Variants in PHOX2B observed in about 807,000 individuals in gnomAD.
The protein encoded by PHOX2B is paired like homeobox 2B.
Under a neutral mutation model 15.5 loss-of-function variants are expected in PHOX2B, and 1 was observed. The ratio of observed to expected loss-of-function variants is 0.06; its 90% CI spans 0.02 to 0.31. The LOEUF (loss-of-function observed/expected upper bound fraction) is 0.31, where lower values mean the gene tolerates loss of function less well. Among genes scored for constraint, PHOX2B ranks in the 10% least tolerant of loss-of-function variants. The pLI is 1.00. For synonymous variants in PHOX2B, 206 were observed against 190.5 expected, an observed-to-expected ratio of 1.08 and a Z score of -0.67; for missense variants, 314 against 436.4, an observed-to-expected ratio of 0.72 and a Z score of 2.50.
chr4:41,746,254 C>A lies in PHOX2B; in HGVS notation c.498G>T (p.Ala166=), dbSNP rs769236699. 1 of 1,613,684 alleles carries A rather than the reference C, an allele frequency of 6.2e-7. No homozygotes were observed. Residue 166 remains alanine (A), a synonymous_variant, in exon 3 of 3, where the codon GCG becomes GCT. Coordinates refer to ENST00000226382, the MANE Select transcript of PHOX2B (RefSeq NM_003924.4). Reference sequence around the variant, plus strand: ...TTTTGCCCGAGGAGCCGTTCTTGGCCGCGGCCGCTGCGGCTGCCGCTGCGC... The same window carrying A: ...TTTTGCCCGAGGAGCCGTTCTTGGCAGCGGCCGCTGCGGCTGCCGCTGCGC... The part of the protein sequence containing the change: ...QERAAAAAAA[A]AKNGSSGKKS...
Position 41,745,552 on chromosome 4 carries a change from G to A in PHOX2B, c.*255C>T, listed in dbSNP as rs1261627512. 2.2e-6 allele frequency: 1 copy of A among 445,552 alleles called. No individual in the cohort carries two copies. The highest frequency in any genetic ancestry group is 4.0e-6 in the Non-Finnish European group (1 of 250,362). The allele number at this position is 445,552 out of a possible 1,614,324, so 27.6% of individuals were successfully genotyped here. On this transcript the variant is annotated 3_prime_UTR_variant, in exon 3 of 3. Transcript: ENST00000226382. The surrounding 1 kb of genome is among the most constrained non-coding windows in gnomAD (Gnocchi z 4.0). ...GCAGGCGGAGCCCTGGCCCCGCTGC[G>A]AGGCCCCAGGCAGGTGCGAAGCCAG...
At chr4:41,748,249 T>A (rs908884850) in intron 1 of PHOX2B, 121 bp downstream of exon 1, 3 of 1,124,574 alleles carry the variant, frequency 2.7e-6, no homozygotes, top group Non-Finnish European at 3.9e-6. Flanking sequence ...ATTCTTTCAT[T>A]TGTGTAAGCA....
In PHOX2B at chr4:41,745,990, TGCCGCCGCCGCCGCTGCCGCGGCCGCC is replaced by T. The variant is rs749694204; in HGVS notation, c.735_761del (p.Ala252_Ala260del). ...GGCCTCCAGCTGCCGCCGCTGCCGC[TGCCGCCGCCGCCGCTGCCGCGGCCGCC>T]GCCGCTGCTGCTGCGCCGCCCTTGC... is the stretch of plus-strand genomic sequence containing the variant. On this transcript the variant is annotated inframe_deletion, in exon 3 of 3. Coordinates refer to ENST00000226382, the MANE Select transcript of PHOX2B (RefSeq NM_003924.4). The surrounding 1 kb of genome is among the most constrained non-coding windows in gnomAD (Gnocchi z 4.0). 2.8e-5 allele frequency: 35 copies of T among 1,235,888 alleles called. No homozygotes were observed. The highest frequency in any genetic ancestry group is 6.1e-4 in the Middle Eastern group (2 of 3,272). 76.6% of individuals were successfully genotyped at this position (1,235,888 alleles called of 1,614,324 possible). A position where few individuals can be genotyped will look rare whatever the true frequency, so the allele number is the denominator to read the frequency against.
Position 41,748,311 on chromosome 4 carries a change from G to C in PHOX2B, c.241+59C>G, listed in dbSNP as rs1577561061. The C allele has an allele frequency of 1.9e-6, 3 of 1,591,784 alleles. No individual in the cohort carries two copies. The African/African-American group carries it at 4.0e-5, about 21-fold the overall frequency. ...ATTTCCATTTTCAAATGCAATCAAG[G>C]CTTCCTATATACGGGCGGAAAGGCG... On this transcript the variant is annotated intron_variant, in intron 1 of 2. Transcript: ENST00000226382.
At chr4:41,746,811 C>A (rs906706589) in intron 2 of PHOX2B, among the ~76,000 whole-genome samples, 3 of 152,208 alleles carry the variant, frequency 2.0e-5, no homozygotes, top group African/African-American at 4.8e-5. Context: ...GGGGGCTCAC[C>A]CAGAGAGGCG....
In PHOX2B at chr4:41,748,356, C is replaced by T; in HGVS notation, c.241+14G>A. 1.2e-6 allele frequency: 2 copies of T among 1,613,978 alleles called. No homozygotes were observed. The highest frequency in any genetic ancestry group is 1.7e-6 in the Non-Finnish European group (2 of 1,179,984). On this transcript the variant is annotated intron_variant, in intron 1 of 2. Coordinates refer to ENST00000226382, the MANE Select transcript of PHOX2B (RefSeq NM_003924.4). ...AAGGCGGCTTCCTCCGCTGAGAAAGCTGAAGGTCCTTACCTGCGGCGTACG... is the reference window on the plus strand; with the variant it reads ...AAGGCGGCTTCCTCCGCTGAGAAAGTTGAAGGTCCTTACCTGCGGCGTACG...
rs775931264 is a variant in PHOX2B at position 41,746,244 on chromosome 4, C to T, written c.508G>A (p.Gly170Ser). 3 of 1,613,942 alleles carry T rather than the reference C, an allele frequency of 1.9e-6. No individual in the cohort carries two copies. Among genetic ancestry groups the T allele is most frequent in the Non-Finnish European group, 2.5e-6 (3 of 1,179,912 alleles). The change falls in exon 3 of 3, where the codon GGC (glycine) becomes AGC (serine). Residue 170 changes from glycine to serine, a missense_variant. This residue lies in a region of PHOX2B where 31 missense variants were observed against 29.6 expected (regional missense o/e 1.05). Transcript: ENST00000226382. ...AAAAAAAAKN[G>S]SSGKKSDSSR... is the part of the protein sequence containing the mutation. Reference sequence around the variant, plus strand: ...GAGTCAGACTTTTTGCCCGAGGAGCCGTTCTTGGCCGCGGCCGCTGCGGCT... The same window carrying T: ...GAGTCAGACTTTTTGCCCGAGGAGCTGTTCTTGGCCGCGGCCGCTGCGGCT...
rs763804374 is a variant in PHOX2B, at chr4:41,747,463, G to A, written c.315C>T (p.Phe105=). ...CCAGCTCTTTGAGCTGGGCACTGGT[G>A]AAAGTGGTGCGGATGCGCCGCTGCT... ...KRKQRRIRTT[F]TSAQLKELER... is the part of the protein sequence containing the mutation. Residue 105 remains phenylalanine (F), a synonymous_variant, in exon 2 of 3, where the codon TTC becomes TTT. Coordinates refer to ENST00000226382, the MANE Select transcript of PHOX2B (RefSeq NM_003924.4). The A allele has an allele frequency of 3.2e-5, 52 of 1,611,456 alleles. No homozygotes were observed. The highest frequency in any genetic ancestry group is 4.4e-5 in the Non-Finnish European group (52 of 1,179,914).
chr4:41,745,623 T>G lies in PHOX2B; in HGVS notation c.*184A>C. 2 of 659,812 alleles carry G rather than the reference T, an allele frequency of 3.0e-6. No homozygotes were observed. The highest frequency in any genetic ancestry group is 4.8e-6 in the Non-Finnish European group (2 of 415,610). The allele number at this position is 659,812 out of a possible 1,614,324, so 40.9% of individuals were successfully genotyped here. ...TGGGGGTTGAGGAAGGGGGTAGGAGTGGGGTTGAAATGAGGGCGACGCCGT... is the reference window on the plus strand; with the variant it reads ...TGGGGGTTGAGGAAGGGGGTAGGAGGGGGGTTGAAATGAGGGCGACGCCGT... On this transcript the variant is annotated 3_prime_UTR_variant, in exon 3 of 3. Coordinates refer to ENST00000226382, the MANE Select transcript of PHOX2B (RefSeq NM_003924.4). This position sits in a 1 kb window ranked among gnomAD's most constrained non-coding sequence, Gnocchi z 4.0.
In PHOX2B at chr4:41,745,103, G is replaced by A. The variant is rs1242171790; in HGVS notation, c.*704C>T. 3.0e-5 allele frequency: 7 copies of A among 231,896 alleles called. No homozygotes were observed. The highest frequency in any genetic ancestry group is 2.4e-4 in the East Asian group (4 of 16,488). The allele number at this position is 231,896 out of a possible 1,614,324, so 14.4% of individuals were successfully genotyped here. On this transcript the variant is annotated 3_prime_UTR_variant, in exon 3 of 3. Coordinates refer to ENST00000226382, the MANE Select transcript of PHOX2B (RefSeq NM_003924.4). The surrounding 1 kb of genome is among the most constrained non-coding windows in gnomAD (Gnocchi z 4.0). Reference sequence around the variant, plus strand: ...CGCAGTGACCCGAACCCAAGGACACGATAGGAAGGGGGGCTGGAACGGCGT... The same window carrying A: ...CGCAGTGACCCGAACCCAAGGACACAATAGGAAGGGGGGCTGGAACGGCGT...
At position 41,746,167 on chromosome 4, in the gene PHOX2B, A is replaced by T; in HGVS notation, c.585T>A (p.Thr195=). Residue 195 remains threonine (T), a synonymous_variant, in exon 3 of 3, where the codon ACT becomes ACA. Coordinates refer to ENST00000226382, the MANE Select transcript of PHOX2B (RefSeq NM_003924.4). ...GGTTGGGATTGGGACCTGGGCCCCC[A>T]GTGCTGTCCGGGTCAGTGCTCTTGG... ...KEAKSTDPDS[T]GGPGPNPNPT... is the part of the protein sequence containing the mutation. The T allele has an allele frequency of 1.2e-6, 2 of 1,612,966 alleles. No individual in the cohort carries two copies. The highest frequency in any genetic ancestry group is 1.7e-6 in the Non-Finnish European group (2 of 1,179,776).
At position 41,745,689 on chromosome 4, in the gene PHOX2B, G is replaced by C; in HGVS notation, c.*118C>G. The C allele has an allele frequency of 4.5e-6, 6 of 1,344,598 alleles. No homozygotes were observed. Among genetic ancestry groups the C allele is most frequent in the Non-Finnish European group, 6.0e-6 (6 of 1,001,288 alleles). The allele number at this position is 1,344,598 out of a possible 1,614,324, so 83.3% of individuals were successfully genotyped here. ...AGCGCGATTACTTTAGGCCCTCAAT[G>C]AAAAAGCCATGGCAGCAGCGACGAC... is the stretch of plus-strand genomic sequence containing the variant. On this transcript the variant is annotated 3_prime_UTR_variant, in exon 3 of 3. Transcript: ENST00000226382. This position sits in a 1 kb window ranked among gnomAD's most constrained non-coding sequence, Gnocchi z 4.0.
At chr4:41,747,830 A>G (rs1477924099) in intron 1 of PHOX2B, 6 of 598,644 alleles carry the variant, frequency 1.0e-5, no homozygotes, top group Non-Finnish European at 1.9e-5. Flanking sequence ...AAAAAACCAG[A>G]GAGGAAAAAA....
At chr4:41,746,791 C>T (rs1733914597) in intron 2 of PHOX2B, among the ~76,000 whole-genome samples, 1 of 152,236 alleles carries the variant, frequency 6.6e-6, no homozygotes, top group Admixed American at 6.5e-5. Context: ...GTGCGCACCG[C>T]TTCTCGGTCG....
At chr4:41,747,311 A>G (rs375957944) in intron 2 of PHOX2B, 38 bp downstream of exon 2, 142 of 1,553,614 alleles carry the variant, frequency 9.1e-5, no homozygotes, top group Non-Finnish European at 1.2e-4. Context: ...TCCCCGGACC[A>G]GTGCGGCGGA....
At position 41,748,398 on chromosome 4, in the gene PHOX2B, C is replaced by T. The variant is rs1328050184; in HGVS notation, c.213G>A (p.Arg71=). The part of the protein sequence containing the change: ...TPGSCSLGTL[R]DHQSSPYAAV... ...CGGCGTACGGACTGCTCTGGTGGTC[C>T]CTGAGGGTGCCCAGGCTGCAGGATC... Residue 71 remains arginine, a synonymous_variant, in exon 1 of 3, where the codon AGG becomes AGA. Transcript: ENST00000226382. 1.2e-6 allele frequency: 2 copies of T among 1,614,038 alleles called. No individual in the cohort carries two copies. The highest frequency in any genetic ancestry group is 4.5e-5 in the East Asian group (2 of 44,884).
chr4:41,748,343 TC>T (rs754399397), intron 1 of PHOX2B, 26 bp downstream of exon 1: 9 of 1,613,382 alleles, frequency 5.6e-6, no homozygotes, highest in Non-Finnish European at 7.6e-6. Flanking sequence ...GGCGGCTTCC[TC>T]CGCTGAGAAA....
At position 41,747,709 on chromosome 4, in the gene PHOX2B, C is replaced by T. The variant is rs751876693; in HGVS notation, c.242-173G>A. The stretch of plus-strand genomic sequence containing the variant: ...AGAAACCGAGGAAATTTGTTATCTG[C>T]GGAAACCTGGGCTCAAACTTCGGGC... On this transcript the variant is annotated intron_variant, in intron 1 of 2. Coordinates refer to ENST00000226382, the MANE Select transcript of PHOX2B (RefSeq NM_003924.4). 4.8e-5 allele frequency: 34 copies of T among 710,372 alleles called. No individual in the cohort carries two copies. In the African/African-American group the frequency reaches 5.4e-4, roughly 11 times the overall value. 44.0% of individuals were successfully genotyped at this position (710,372 alleles called of 1,614,324 possible).
chr4:41,744,412 CATT>C lies in PHOX2B; in HGVS notation c.*1392_*1394del, dbSNP rs1733821084. ...CATAGAGACTACAAGAAGAGAAAAACATTATACGGTCACGTAGAGGAGACAGTC... is the reference window on the plus strand; with the variant it reads ...CATAGAGACTACAAGAAGAGAAAAACATACGGTCACGTAGAGGAGACAGTC... On this transcript the variant is annotated 3_prime_UTR_variant, in exon 3 of 3. Coordinates refer to ENST00000226382, the MANE Select transcript of PHOX2B (RefSeq NM_003924.4). 1 of 231,420 alleles carries C rather than the reference CATT, an allele frequency of 4.3e-6. No homozygotes were observed. Among genetic ancestry groups the C allele is most frequent in the South Asian group, 1.8e-4 (1 of 5,510 alleles). The allele number at this position is 231,420 out of a possible 1,614,324, so 14.3% of individuals were successfully genotyped here. A position where few individuals can be genotyped will look rare whatever the true frequency, so the allele number is the denominator to read the frequency against.
Sources: gnomAD v4.1 joint callset for allele counts (sites outside exome capture counted in the v4.1 genomes callset) on GRCh38, gnomAD v4.1.1 for gene constraint, gnomAD v4.1.1 regional missense constraint, Gnocchi (gnomAD v3.1) non-coding constraint, MANE v1.5 for transcripts, NCBI Gene and HGNC (gene_info 2026-07-23, HGNC 2026-07-21) for gene names.